Variants in LHFPL3 observed in about 807,000 individuals in gnomAD.
The protein encoded by LHFPL3 is LHFPL tetraspan subfamily member 3 protein.
A neutral mutation model predicts 19.3 loss-of-function variants in LHFPL3; 5 were observed. The observed-to-expected ratio is 0.26, with a 90% confidence interval of 0.14 to 0.54. LHFPL3 has a LOEUF of 0.54. Ranked by LOEUF, LHFPL3 falls within the 20% of genes least tolerant of loss-of-function variation. LHFPL3 has a pLI of 0.94. For synonymous variants in LHFPL3, 133 were observed against 126.2 expected, an observed-to-expected ratio of 1.05 and a Z score of -0.36; for missense variants, 249 against 307.4, an observed-to-expected ratio of 0.81 and a Z score of 1.42.
intron 1 of LHFPL3, among the ~76,000 whole-genome samples, chr7:104,606,678 C>T (rs1428115207): frequency 6.6e-6 from 1 of 152,116 alleles, no homozygotes; most frequent in Non-Finnish European, 1.5e-5. Flanking sequence ...CTCAGCATTG[C>T]GATGGAGAGT....
intron 1 of LHFPL3, among the ~76,000 whole-genome samples, chr7:104,503,753 A>G (rs1318623760): frequency 6.6e-6 from 1 of 151,948 alleles, no homozygotes; most frequent in Non-Finnish European, 1.5e-5. Context: ...TATTTTTGGT[A>G]GATATGGGGT....
At chr7:104,401,583 T>C (rs1791312829) in intron 1 of LHFPL3, among the ~76,000 whole-genome samples, 1 of 152,150 alleles carries the variant, frequency 6.6e-6, no homozygotes, top group Non-Finnish European at 1.5e-5. Flanking sequence ...TAAACTCAAA[T>C]AAATTTTATT....
At chr7:104,898,563 C>G (rs983748011) in intron 2 of LHFPL3, among the ~76,000 whole-genome samples, 1 of 152,208 alleles carries the variant, frequency 6.6e-6, no homozygotes, top group African/African-American at 2.4e-5. Context: ...GGCTCCTGCC[C>G]TCACTCAGAA....
Position 104,548,191 on chromosome 7 carries a change from A to T in LHFPL3, c.446-188484A>T, listed in dbSNP as rs114147064. ...CTTTAACCATGAAATTTTCTTTCAG[A>T]TAATGAATGCAGTTTTCCTCTCTGT... On this transcript the variant is annotated intron_variant, in intron 1 of 2. Transcript: ENST00000424859. Among the ~76,000 whole-genome samples, 416 of 152,308 alleles carry T rather than the reference A, an allele frequency of 2.7e-3. 1 individual carries two copies. The highest frequency in any genetic ancestry group is 9.6e-3 in the African/African-American group (401 of 41,578).
chr7:104,427,552 G>GAATTTAAAACAT (rs1791872121), intron 1 of LHFPL3, among the ~76,000 whole-genome samples: 4 of 152,188 alleles, frequency 2.6e-5, no homozygotes, highest in African/African-American at 9.7e-5. Flanking sequence ...TAGTTTGAGT[G>GAATTTAAAACAT]GCTATGTGAA....
chr7:104,782,032 A>G (rs977047154), intron 2 of LHFPL3, among the ~76,000 whole-genome samples: 3 of 152,196 alleles, frequency 2.0e-5, no homozygotes, highest in African/African-American at 7.2e-5. Context: ...CGCTTATAAT[A>G]TCATGGACCA....
At chr7:104,332,183 C>T (rs1446218503) in intron 1 of LHFPL3, among the ~76,000 whole-genome samples, 1 of 148,194 alleles carries the variant, frequency 6.7e-6, no homozygotes, top group African/African-American at 2.5e-5. Context: ...TACTAACATC[C>T]TATATGTAGT....
chr7:104,514,363 A>G (rs1220535742), intron 1 of LHFPL3, among the ~76,000 whole-genome samples: 1 of 152,142 alleles, frequency 6.6e-6, no homozygotes, highest in Non-Finnish European at 1.5e-5. Flanking sequence ...TAATTTTATC[A>G]TTATCTCATT....
At chr7:104,475,036 G>A (rs34036940) in intron 1 of LHFPL3, among the ~76,000 whole-genome samples, 41,181 of 152,130 alleles carry the variant, frequency 0.27, 6,590 homozygotes, top group Non-Finnish European at 0.37. Flanking sequence ...AGCCATTGCA[G>A]TTTGTTGAGA....
At chr7:104,490,052 C>T (rs1213323486) in intron 1 of LHFPL3, among the ~76,000 whole-genome samples, 6 of 152,170 alleles carry the variant, frequency 3.9e-5, no homozygotes, top group African/African-American at 1.4e-4. Flanking sequence ...GGACTGGCAC[C>T]AAGACCTCTG....
chr7:104,709,953 T>G (rs1162867722), intron 1 of LHFPL3, among the ~76,000 whole-genome samples: 1 of 151,996 alleles, frequency 6.6e-6, no homozygotes, highest in African/African-American at 2.4e-5. Context: ...TCTGGGCACT[T>G]TGGGAGGCCA....
At chr7:104,744,588 T>C (rs546366375) in intron 2 of LHFPL3, among the ~76,000 whole-genome samples, 1 of 152,320 alleles carries the variant, frequency 6.6e-6, no homozygotes, top group East Asian at 1.9e-4. Context: ...CTGCTTCTAA[T>C]TCCTCTCCTC....
chr7:104,821,164 TG>T (rs1790670216), intron 2 of LHFPL3, among the ~76,000 whole-genome samples: 1 of 152,220 alleles, frequency 6.6e-6, no homozygotes, highest in African/African-American at 2.4e-5. Flanking sequence ...TTAATAAATG[TG>T]ACAGGAAATG....
At chr7:104,672,058 A>AGTGTGTGTGTGT (rs71155518) in intron 1 of LHFPL3, among the ~76,000 whole-genome samples, 9 of 148,800 alleles carry the variant, frequency 6.0e-5, no homozygotes, top group African/African-American at 2.0e-4. Flanking sequence ...TTAACTTCCA[A>AGTGTGTGTGTGT]GTGTGTGTGT....
At chr7:104,657,431 C>A (rs1792140823) in intron 1 of LHFPL3, among the ~76,000 whole-genome samples, 1 of 152,220 alleles carries the variant, frequency 6.6e-6, no homozygotes, top group Non-Finnish European at 1.5e-5. Context: ...GAAATTCATT[C>A]TGAAAATAAA....
At chr7:104,398,643 G>A (rs1007566018) in intron 1 of LHFPL3, among the ~76,000 whole-genome samples, 11 of 152,106 alleles carry the variant, frequency 7.2e-5, no homozygotes, top group Non-Finnish European at 1.5e-4. Context: ...CTGAGACAGA[G>A]GGATAAAGTA....
intron 1 of LHFPL3, among the ~76,000 whole-genome samples, chr7:104,581,739 C>T (rs1790465019): frequency 1.3e-5 from 2 of 151,898 alleles, no homozygotes; most frequent in African/African-American, 2.4e-5. Flanking sequence ...TTTGAAAAGG[C>T]TTTCTTTTCC....
chr7:104,479,357 T>A (rs1793084954), intron 1 of LHFPL3, among the ~76,000 whole-genome samples: 1 of 151,838 alleles, frequency 6.6e-6, no homozygotes, highest in Admixed American at 6.6e-5. Flanking sequence ...TGGACTACTG[T>A]GAGATGTTGG....
intron 2 of LHFPL3, among the ~76,000 whole-genome samples, chr7:104,876,990 G>A (rs1297321840): frequency 7.2e-5 from 11 of 152,160 alleles, no homozygotes; most frequent in Admixed American, 6.6e-5. Context: ...CATGGATGAA[G>A]CTGGAAACCA....
Sources: gnomAD v4.1 joint callset for allele counts (sites outside exome capture counted in the v4.1 genomes callset) on GRCh38, gnomAD v4.1.1 for gene constraint, MANE v1.5 for transcripts, NCBI Gene and HGNC (gene_info 2026-07-23, HGNC 2026-07-21) for gene names.